The following GXYLT2 variants were observed in gnomAD, a reference collection of about 807,000 sequenced individuals.
The protein encoded by GXYLT2 is glycosyltransferase 8 domain containing 4.
GXYLT2 carries 53 observed loss-of-function variants against 45.8 expected under a neutral mutation model. That is an observed-to-expected ratio of 1.16 (90% confidence interval 0.93 to 1.46). GXYLT2 has a LOEUF of 1.46. Among genes scored for constraint, GXYLT2 ranks in the 40% most tolerant of loss-of-function variants. The probability of loss-of-function intolerance (pLI) is 0.00; values close to 1 mark genes in which losing one functional copy is unlikely to be tolerated. For synonymous variants in GXYLT2, 219 were observed against 214.2 expected (o/e 1.02, Z -0.19); for missense variants, 551 against 544.4 (o/e 1.01, Z -0.12).
intron 2 of GXYLT2, among the ~76,000 whole-genome samples, chr3:72,919,337 AAGACATGT>A (rs547432061): frequency 2.7e-4 from 41 of 152,364 alleles, no homozygotes; most frequent in African/African-American, 9.4e-4. Flanking sequence ...AAGCCACAAA[AAGACATGT>A]AGGAGACCTA....
At chr3:72,953,395 C>T (rs951708717) in intron 3 of GXYLT2, among the ~76,000 whole-genome samples, 7 of 151,974 alleles carry the variant, frequency 4.6e-5, no homozygotes, top group African/African-American at 1.4e-4. Context: ...GTTCAAGCAA[C>T]CCTCCCACCT....
rs548339324 is a variant in GXYLT2, at chr3:72,904,011, G to C, written c.276-4356G>C. On this transcript the variant is annotated intron_variant, in intron 1 of 6. Coordinates refer to ENST00000389617, the MANE Select transcript of GXYLT2 (RefSeq NM_001080393.2). ...TGACTCTGCTTTTCCACTGTGATAA[G>C]CTGACTCCTGTTCAGGCTGTACCAG... Among the ~76,000 whole-genome samples the C allele has an allele frequency of 2.6e-5, 4 of 152,316 alleles. No homozygotes were observed. The South Asian group carries it at 8.3e-4, about 32-fold the overall frequency.
chr3:72,963,002 C>T (rs898436598), intron 5 of GXYLT2, among the ~76,000 whole-genome samples: 15 of 151,348 alleles, frequency 9.9e-5, no homozygotes, highest in African/African-American at 3.4e-4. Flanking sequence ...GAACAGCCTC[C>T]GTTCTATTGA....
intron 2 of GXYLT2, among the ~76,000 whole-genome samples, chr3:72,913,259 C>T (rs984021781): frequency 1.3e-5 from 2 of 150,818 alleles, no homozygotes; most frequent in African/African-American, 2.4e-5. Context: ...AGGATGGTCT[C>T]GATCTCCTGA....
intron 3 of GXYLT2, among the ~76,000 whole-genome samples, chr3:72,945,906 C>T (rs995477148): frequency 2.0e-5 from 3 of 152,114 alleles, no homozygotes; most frequent in Non-Finnish European, 4.4e-5. Context: ...AGGCAATGAT[C>T]AAAAACAAGA....
intron 1 of GXYLT2, among the ~76,000 whole-genome samples, chr3:72,902,254 C>A (rs1030556059): frequency 6.6e-6 from 1 of 152,204 alleles, no homozygotes; most frequent in Non-Finnish European, 1.5e-5. Flanking sequence ...TTCTCAGGAA[C>A]TACCAAACTG....
At chr3:72,889,928 C>T (rs1264114589) in intron 1 of GXYLT2, among the ~76,000 whole-genome samples, 4 of 115,886 alleles carry the variant, frequency 3.5e-5, no homozygotes, top group African/African-American at 1.4e-4. Flanking sequence ...TTTTTTGTGA[C>T]AAAGTCTTCC....
intron 3 of GXYLT2, among the ~76,000 whole-genome samples, chr3:72,950,961 A>G (rs1228009524): frequency 6.6e-6 from 1 of 152,160 alleles, no homozygotes; most frequent in Non-Finnish European, 1.5e-5. Context: ...TCGGGTACAG[A>G]GTACTATTGT....
At chr3:72,942,722 G>A (rs558327126) in intron 3 of GXYLT2, among the ~76,000 whole-genome samples, 45 of 151,164 alleles carry the variant, frequency 3.0e-4, no homozygotes, top group African/African-American at 9.5e-4. Context: ...CTAAATAACC[G>A]GCCAGTGTTT....
chr3:72,945,303 A>AAAAAT (rs59721042), intron 3 of GXYLT2, among the ~76,000 whole-genome samples: 38,072 of 151,218 alleles, frequency 0.25, 6,376 homozygotes, highest in African/African-American at 0.46. Flanking sequence ...ATAAAAAAAT[A>AAAAAT]AAAATAAAAT....
chr3:72,972,244 G>A (rs1462559207), intron 6 of GXYLT2, among the ~76,000 whole-genome samples: 1 of 152,090 alleles, frequency 6.6e-6, no homozygotes, highest in Non-Finnish European at 1.5e-5. Flanking sequence ...CATTTTTGCA[G>A]TAATTCTCTT....
intron 3 of GXYLT2, among the ~76,000 whole-genome samples, chr3:72,941,444 C>G (rs1710297093): frequency 6.6e-6 from 1 of 152,068 alleles, no homozygotes; most frequent in Non-Finnish European, 1.5e-5. Flanking sequence ...TTTCCCATTC[C>G]AGCCACTCTA....
chr3:72,961,276 G>C (rs1455235426), intron 5 of GXYLT2, among the ~76,000 whole-genome samples: 4 of 152,090 alleles, frequency 2.6e-5, no homozygotes, highest in Non-Finnish European at 4.4e-5. Context: ...AACCAAAAGA[G>C]AATTCTATAT....
In GXYLT2 at chr3:72,975,260, CA is replaced by C; in HGVS notation, c.*102del. On this transcript the variant is annotated 3_prime_UTR_variant, in exon 7 of 7. Coordinates refer to ENST00000389617, the MANE Select transcript of GXYLT2 (RefSeq NM_001080393.2). ...TTTGTGTGAATATTTAATGGTGCTC[CA>C]TGACTGTTGAGTTTTAAAAACCTCG... 2.4e-6 allele frequency: 2 copies of C among 827,524 alleles called. No homozygotes were observed. Among genetic ancestry groups the C allele is most frequent in the Non-Finnish European group, 3.5e-6 (2 of 565,394 alleles). The allele number at this position is 827,524 out of a possible 1,614,324, so 51.3% of individuals were successfully genotyped here. A position where few individuals can be genotyped will look rare whatever the true frequency, so the allele number is the denominator to read the frequency against.
rs1394967808 is a variant in GXYLT2, at chr3:72,915,598, A to G, written c.469-6606A>G. On this transcript the variant is annotated intron_variant, in intron 2 of 6. Transcript: ENST00000389617. ...ACGCCTGTAATCCCAGCGCTTTCGG[A>G]GGCCAAGGCGGGCGGATCACCTGAG... is the stretch of plus-strand genomic sequence containing the variant. Among the ~76,000 whole-genome samples the G allele has an allele frequency of 2.0e-5, 3 of 151,998 alleles. 1 individual carries two copies. Among genetic ancestry groups the G allele is most frequent in the Middle Eastern group, 6.3e-3 (2 of 316 alleles).
rs1490186217 is a variant in GXYLT2, at chr3:72,954,398, C to CCT, written c.601-699_601-698dup. ...TGGAATTACAGGCCACTGCTCCCAGCCTGTGTGTGTGTGTGTGTGTGTGTG... is the reference window on the plus strand; with the variant it reads ...TGGAATTACAGGCCACTGCTCCCAGCCTCTGTGTGTGTGTGTGTGTGTGTGTG... On this transcript the variant is annotated intron_variant, in intron 3 of 6. Coordinates refer to ENST00000389617, the MANE Select transcript of GXYLT2 (RefSeq NM_001080393.2). Among the ~76,000 whole-genome samples, 418 of 41,814 alleles carry CCT rather than the reference C, an allele frequency of 1.0e-2. 1 individual carries two copies. The highest frequency in any genetic ancestry group is 0.067 in the African/African-American group (397 of 5,906). 27.4% of individuals were successfully genotyped at this position (41,814 alleles called of 152,430 possible).
intron 3 of GXYLT2, among the ~76,000 whole-genome samples, chr3:72,940,123 A>G (rs1333023905): frequency 6.6e-6 from 1 of 152,118 alleles, no homozygotes; most frequent in Non-Finnish European, 1.5e-5. Context: ...GTGTCACTGT[A>G]CTCCAGCCTG....
intron 3 of GXYLT2, among the ~76,000 whole-genome samples, chr3:72,926,359 G>A (rs1165440236): frequency 6.6e-6 from 1 of 152,174 alleles, no homozygotes; most frequent in Non-Finnish European, 1.5e-5. Context: ...CTCTACTTCT[G>A]TGACTAATGG....
intron 3 of GXYLT2, among the ~76,000 whole-genome samples, chr3:72,924,030 G>T (rs537936580): frequency 3.9e-5 from 6 of 152,162 alleles, no homozygotes; most frequent in Middle Eastern, 3.4e-3. Flanking sequence ...CCAGGCAGAT[G>T]GAACAGTATA....
Sources: gnomAD v4.1 joint callset for allele counts (sites outside exome capture counted in the v4.1 genomes callset) on GRCh38, gnomAD v4.1.1 for gene constraint, MANE v1.5 for transcripts, NCBI Gene and HGNC (gene_info 2026-07-23, HGNC 2026-07-21) for gene names.